The following DDR2 variants were observed in gnomAD, a reference collection of about 807,000 sequenced individuals.
The protein encoded by DDR2 is discoidin domain-containing receptor 2.
Under a neutral mutation model 94.9 loss-of-function variants are expected in DDR2, and 27 were observed. The ratio of observed to expected loss-of-function variants is 0.28; its 90% confidence interval spans 0.21 to 0.39. The LOEUF (loss-of-function observed/expected upper bound fraction) is 0.39. Among genes scored for constraint, DDR2 ranks in the 10% least tolerant of loss-of-function variants. The pLI, the probability that DDR2 is intolerant of heterozygous loss-of-function variation, is 1.00. For missense variants in DDR2, 783 were observed against 1,076.0 expected (o/e 0.73, Z 3.81); for synonymous variants, 382 against 377.2 (o/e 1.01, Z -0.15).
chr1:162,689,144 G>A (rs967395834), intron 2 of DDR2, among the ~76,000 whole-genome samples: 3 of 152,146 alleles, frequency 2.0e-5, no homozygotes, highest in African/African-American at 4.8e-5. Context: ...ACTGTGGCTC[G>A]GGTGCCAGTT....
chr1:162,693,909 A>C (rs1337760405), intron 2 of DDR2, among the ~76,000 whole-genome samples: 1 of 152,196 alleles, frequency 6.6e-6, no homozygotes, highest in Non-Finnish European at 1.5e-5. Context: ...TATTTGAATC[A>C]AATCATGATC....
chr1:162,648,902 T>G (rs1391477821), intron 1 of DDR2, among the ~76,000 whole-genome samples: 1 of 152,206 alleles, frequency 6.6e-6, no homozygotes, highest in African/African-American at 2.4e-5. Context: ...TTGAAATTGC[T>G]CAGTAGCTGT....
At chr1:162,705,064 A>ACCCAGAGGTC (rs1197502457) in intron 2 of DDR2, 2 of 152,208 alleles carry the variant, frequency 1.3e-5, no homozygotes. Flanking sequence ...GCCTCCCAGG[A>ACCCAGAGGTC]CCCAGAGGGA....
At position 162,741,639 on chromosome 1, in the gene DDR2, C is replaced by T. The variant is rs925756413; in HGVS notation, c.83-11456C>T. The T allele has an allele frequency of 3.9e-5, 38 of 985,344 alleles. No individual in the cohort carries two copies. The African/African-American group carries it at 5.8e-4, about 15-fold the overall frequency. The allele number at this position is 985,344 out of a possible 1,614,324, so 61.0% of individuals were successfully genotyped here. A position where few individuals can be genotyped will look rare whatever the true frequency, so the allele number is the denominator to read the frequency against. On this transcript the variant is annotated intron_variant, in intron 3 of 17. Transcript: ENST00000367921. ...CTACAGTCAAAAGATCCAGGAATGC[C>T]TGCCTTGGACAGCTAGATCTTCTCC...
chr1:162,766,657 GA>G (rs1305918828), intron 10 of DDR2, among the ~76,000 whole-genome samples: 1 of 152,130 alleles, frequency 6.6e-6, no homozygotes, highest in East Asian at 1.9e-4. Context: ...GGGAAGAATA[GA>G]AAAACTCACC....
At chr1:162,718,592 G>T (rs901487347) in intron 2 of DDR2, among the ~76,000 whole-genome samples, 1 of 152,076 alleles carries the variant, frequency 6.6e-6, no homozygotes, top group Non-Finnish European at 1.5e-5. Context: ...TCACTCCAAA[G>T]ATAATGAATC....
chr1:162,693,916 G>T (rs760597927), intron 2 of DDR2, among the ~76,000 whole-genome samples: 9 of 152,140 alleles, frequency 5.9e-5, no homozygotes, highest in Non-Finnish European at 1.3e-4. Context: ...ATCAAATCAT[G>T]ATCCATTTGA....
intron 3 of DDR2, among the ~76,000 whole-genome samples, chr1:162,735,531 A>C: frequency 6.6e-6 from 1 of 152,214 alleles, no homozygotes; most frequent in East Asian, 1.9e-4. Flanking sequence ...GGTGATGCTG[A>C]TGCTGCTGGT....
intron 2 of DDR2, among the ~76,000 whole-genome samples, chr1:162,663,263 C>G (rs986210685): frequency 3.3e-5 from 5 of 152,050 alleles, no homozygotes; most frequent in African/African-American, 1.2e-4. Context: ...ATCTGGCAGT[C>G]AAATATGCAG....
rs928254123 is a variant in DDR2, at chr1:162,655,863, G to A, written c.-28+489G>A. ...TAGAGTAAAACAATACTTAATAGAA[G>A]CACTACAACCAGGATAATAGTACAA... On this transcript the variant is annotated intron_variant, in intron 2 of 17. Transcript: ENST00000367921. 1.3e-5 allele frequency among the ~76,000 whole-genome samples: 2 copies of A among 152,134 alleles called. 1 individual carries two copies. The highest frequency in any genetic ancestry group is 4.1e-4 in the South Asian group (2 of 4,836).
chr1:162,753,935 G>A (rs943498467), intron 4 of DDR2, among the ~76,000 whole-genome samples: 1 of 152,182 alleles, frequency 6.6e-6, no homozygotes, highest in Non-Finnish European at 1.5e-5. Flanking sequence ...GATGGTAGGT[G>A]GAATTGGAAG....
At chr1:162,645,423 T>A (rs939553231) in intron 1 of DDR2, among the ~76,000 whole-genome samples, 11 of 152,084 alleles carry the variant, frequency 7.2e-5, no homozygotes, top group Non-Finnish European at 1.0e-4. Flanking sequence ...TGAAATCAAC[T>A]ATATCTGAGC....
At chr1:162,741,394 G>A (rs1055736405) in intron 3 of DDR2, among the ~76,000 whole-genome samples, 2 of 149,130 alleles carry the variant, frequency 1.3e-5, no homozygotes, top group East Asian at 2.0e-4. Context: ...TCCTTTGAAC[G>A]TCATGCTGGT....
chr1:162,773,040 A>G lies in DDR2; in HGVS notation c.1729-429A>G, dbSNP rs184527769. Among the ~76,000 whole-genome samples the G allele has an allele frequency of 1.6e-3, 244 of 152,328 alleles. 1 individual carries two copies. The highest frequency in any genetic ancestry group is 0.013 in the South Asian group (61 of 4,830). On this transcript the variant is annotated intron_variant, in intron 13 of 17. Coordinates refer to ENST00000367921, the MANE Select transcript of DDR2 (RefSeq NM_006182.4). Reference sequence around the variant, plus strand: ...TGGGTTGAAAACCCACATCTGTTATACTGTTACTAATAGACAGGAGTTTCT... The same window carrying G: ...TGGGTTGAAAACCCACATCTGTTATGCTGTTACTAATAGACAGGAGTTTCT...
chr1:162,672,532 A>ATTTATAT (rs1658913647), intron 2 of DDR2, among the ~76,000 whole-genome samples: 1 of 152,148 alleles, frequency 6.6e-6, no homozygotes, highest in Non-Finnish European at 1.5e-5. Flanking sequence ...TATGTTATAT[A>ATTTATAT]TTTAAACACA....
intron 1 of DDR2, among the ~76,000 whole-genome samples, chr1:162,637,388 A>ATT (rs1656878677): frequency 6.6e-6 from 1 of 152,048 alleles, no homozygotes; most frequent in African/African-American, 2.4e-5. Context: ...CAAATTTTAT[A>ATT]TTTTTTATAA....
At chr1:162,753,329 C>T in intron 4 of DDR2, 132 bp downstream of exon 4, 1 of 794,242 alleles carries the variant, frequency 1.3e-6, no homozygotes, top group Admixed American at 2.0e-5. Context: ...GGACAGACAG[C>T]AAGTGGGCCT....
intron 3 of DDR2, among the ~76,000 whole-genome samples, chr1:162,729,300 A>ATTT (rs869269032): frequency 3.2e-5 from 3 of 94,002 alleles, no homozygotes; most frequent in Non-Finnish European, 5.5e-5. Context: ...ATATATATAT[A>ATTT]TTTTTTTTTT....
At chr1:162,754,102 T>C (rs1156762531) in intron 4 of DDR2, among the ~76,000 whole-genome samples, 1 of 152,202 alleles carries the variant, frequency 6.6e-6, no homozygotes, top group African/African-American at 2.4e-5. Flanking sequence ...CCAGATTATT[T>C]ACTACTTCCT....
Sources: gnomAD v4.1 joint callset for allele counts (sites outside exome capture counted in the v4.1 genomes callset) on GRCh38, gnomAD v4.1.1 for gene constraint, MANE v1.5 for transcripts, NCBI Gene and HGNC (gene_info 2026-07-23, HGNC 2026-07-21) for gene names.